GPC5: variants seen among roughly 807,000 people sequenced by gnomAD.
GPC5 encodes glypican 5.
GPC5 carries 47 observed loss-of-function variants against 53.9 expected under a neutral mutation model. The observed-to-expected ratio is 0.87, with a 90% CI of 0.69 to 1.11. The LOEUF is 1.11. Ranked by LOEUF, GPC5 falls within the 50% of genes most tolerant of loss-of-function variation. GPC5 has a pLI of 0.00. For missense variants in GPC5, 748 were observed against 713.1 expected (o/e 1.05, Z -0.56); for synonymous variants, 286 against 263.3 (o/e 1.09, Z -0.84).
chr13:92,320,809 T>C (rs1263793788), intron 7 of GPC5, among the ~76,000 whole-genome samples: 3 of 152,136 alleles, frequency 2.0e-5, no homozygotes, highest in Non-Finnish European at 2.9e-5. Context: ...GTTTTCAAGA[T>C]TTTGAACCAC....
chr13:91,770,280 A>G (rs529982878), intron 5 of GPC5, among the ~76,000 whole-genome samples: 5 of 152,270 alleles, frequency 3.3e-5, no homozygotes, highest in African/African-American at 1.2e-4. Flanking sequence ...GGAAGCTCTC[A>G]GAACACCCTA....
At chr13:91,789,872 C>A (rs2037937456) in intron 5 of GPC5, among the ~76,000 whole-genome samples, 2 of 152,122 alleles carry the variant, frequency 1.3e-5, no homozygotes, top group South Asian at 4.1e-4. Flanking sequence ...GCTTCGTGCT[C>A]AGTCAAACAA....
At chr13:91,791,911 C>G (rs150003473) in intron 5 of GPC5, among the ~76,000 whole-genome samples, 1 of 152,122 alleles carries the variant, frequency 6.6e-6, no homozygotes, top group Non-Finnish European at 1.5e-5. Flanking sequence ...GGTTAAAATA[C>G]GTATGTATAT....
chr13:92,615,443 A>G (rs1298551069), intron 7 of GPC5, among the ~76,000 whole-genome samples: 1 of 152,218 alleles, frequency 6.6e-6, no homozygotes, highest in Non-Finnish European at 1.5e-5. Context: ...TAGCAGGATT[A>G]CTGGGAGGGA....
At chr13:92,014,269 C>A (rs947775737) in intron 6 of GPC5, among the ~76,000 whole-genome samples, 9 of 152,134 alleles carry the variant, frequency 5.9e-5, no homozygotes, top group African/African-American at 2.2e-4. Flanking sequence ...ATGAAAAAAT[C>A]TGTTTTTCTT....
chr13:92,857,417 T>G (rs189452918), intron 7 of GPC5, among the ~76,000 whole-genome samples: 137 of 152,268 alleles, frequency 9.0e-4, no homozygotes, highest in South Asian at 8.3e-3. Context: ...GGTAAAAAAT[T>G]TATGACCAAG....
intron 1 of GPC5, among the ~76,000 whole-genome samples, chr13:91,400,676 T>A (rs1876870131): frequency 6.6e-6 from 1 of 152,214 alleles, no homozygotes; most frequent in Non-Finnish European, 1.5e-5. Flanking sequence ...TAACTTTGCC[T>A]GCTATGTTCA....
At chr13:92,481,130 T>C (rs1490263154) in intron 7 of GPC5, among the ~76,000 whole-genome samples, 1 of 151,960 alleles carries the variant, frequency 6.6e-6, no homozygotes, top group East Asian at 1.9e-4. Flanking sequence ...AGACAGAGTC[T>C]TGCTCTGTTG....
At chr13:92,665,314 A>T (rs185070430) in intron 7 of GPC5, among the ~76,000 whole-genome samples, 569 of 152,298 alleles carry the variant, frequency 3.7e-3, no homozygotes, top group Middle Eastern at 6.8e-3. Flanking sequence ...TGAAATAAAA[A>T]TAAAATCCTT....
intron 2 of GPC5, among the ~76,000 whole-genome samples, chr13:91,453,554 A>G (rs2139114412): frequency 6.6e-6 from 1 of 152,106 alleles, no homozygotes; most frequent in African/African-American, 2.4e-5. Context: ...TCCTAGGAAG[A>G]ATAAAGGCGT....
chr13:92,278,548 T>C (rs1015304865), intron 7 of GPC5, among the ~76,000 whole-genome samples: 2 of 152,060 alleles, frequency 1.3e-5, no homozygotes, highest in East Asian at 1.9e-4. Flanking sequence ...ATGATTATTT[T>C]CACATTCCCA....
chr13:92,182,112 G>C (rs2042151456), intron 7 of GPC5, among the ~76,000 whole-genome samples: 2 of 152,000 alleles, frequency 1.3e-5, no homozygotes, highest in South Asian at 2.1e-4. Flanking sequence ...TTTTTGCCAG[G>C]GAATTAATAA....
rs967380434 is a variant in GPC5 at position 91,542,948 on chromosome 13, C to T, written c.325+94026C>T. ...CTCAGCTCACTGCAAGCTCCGCCTC[C>T]TGGGTTCATGCCATTCTCCTGCCTC... On this transcript the variant is annotated intron_variant, in intron 2 of 7. Transcript: ENST00000377067. Among the ~76,000 whole-genome samples the T allele has an allele frequency of 4.0e-5, 6 of 150,256 alleles. No homozygotes were observed. The East Asian group carries it at 7.9e-4, about 20-fold the overall frequency.
intron 1 of GPC5, among the ~76,000 whole-genome samples, chr13:91,436,880 G>A (rs1197714878): frequency 1.3e-5 from 2 of 152,144 alleles, no homozygotes; most frequent in African/African-American, 4.8e-5. Flanking sequence ...CCTGTATTGG[G>A]TGCATATATA....
chr13:91,610,438 C>A (rs2033511994), intron 2 of GPC5, among the ~76,000 whole-genome samples: 1 of 152,052 alleles, frequency 6.6e-6, no homozygotes. Context: ...GTTCTTATAA[C>A]TTTCATTTTG....
chr13:91,930,477 T>G (rs926160276), intron 6 of GPC5, among the ~76,000 whole-genome samples: 3 of 152,130 alleles, frequency 2.0e-5, no homozygotes, highest in African/African-American at 7.2e-5. Context: ...TTATAAATTC[T>G]AAGTACTGTC....
intron 2 of GPC5, among the ~76,000 whole-genome samples, chr13:91,503,823 G>A (rs1884796525): frequency 2.2e-5 from 2 of 89,826 alleles, no homozygotes; most frequent in East Asian, 6.3e-4. Context: ...TAATAATCAG[G>A]CTGTTGTGGC....
chr13:92,791,836 T>A (rs554531513), intron 7 of GPC5, among the ~76,000 whole-genome samples: 1 of 152,242 alleles, frequency 6.6e-6, no homozygotes, highest in East Asian at 1.9e-4. Context: ...TTTTTAAAAC[T>A]TTGTAGTAGA....
intron 7 of GPC5, among the ~76,000 whole-genome samples, chr13:92,281,492 C>T (rs2042915295): frequency 6.6e-6 from 1 of 152,220 alleles, no homozygotes; most frequent in South Asian, 2.1e-4. Flanking sequence ...CTGGGAGGTA[C>T]ACCCCAGTAG....
Sources: gnomAD v4.1 joint callset for allele counts (sites outside exome capture counted in the v4.1 genomes callset) on GRCh38, gnomAD v4.1.1 for gene constraint, MANE v1.5 for transcripts, NCBI Gene and HGNC (gene_info 2026-07-23, HGNC 2026-07-21) for gene names.